The following INTS11 variants were observed in gnomAD, a reference collection of about 807,000 sequenced individuals.
INTS11 encodes integrator complex subunit 11.
INTS11 carries 77 observed loss-of-function variants against 78.6 expected under a neutral mutation model. That is an observed-to-expected ratio of 0.98 (90% CI 0.81 to 1.18). The LOEUF (loss-of-function observed/expected upper bound fraction) is 1.18. Ranked by LOEUF, INTS11 falls within the 50% of genes most tolerant of loss-of-function variation. The pLI is 0.00. For missense variants in INTS11, 875 were observed against 825.9 expected, an observed-to-expected ratio of 1.06 and a Z score of -0.73; for synonymous variants, 441 against 326.9, an observed-to-expected ratio of 1.35 and a Z score of -3.77.
At chr1:1,319,604 C>G (rs1430283302) in intron 3 of INTS11, 80 bp from the exon 4 acceptor site, 2 of 989,582 alleles carry the variant, frequency 2.0e-6, no homozygotes, top group Non-Finnish European at 2.9e-6. Flanking sequence ...GGGTCACTGG[C>G]CCCTTCATTC....
chr1:1,314,730 T>G lies in INTS11; in HGVS notation c.702+94A>C. The G allele has an allele frequency of 2.8e-6, 4 of 1,436,418 alleles. No individual in the cohort carries two copies. The highest frequency in any genetic ancestry group is 3.8e-6 in the Non-Finnish European group (4 of 1,047,096). 89.0% of individuals were successfully genotyped at this position (1,436,418 alleles called of 1,614,324 possible). On this transcript the variant is annotated intron_variant, in intron 7 of 16. Transcript: ENST00000435064. The surrounding 1 kb of genome is among the most constrained non-coding windows in gnomAD (Gnocchi z 4.2). ...CCTGAAAATGCAGTACCCCCCACCC[T>G]GAGACCCTGACCCATGCCAAGGGCA...
At chr1:1,322,918 A>G (rs2100643764) in intron 1 of INTS11, 3 of 1,315,610 alleles carry the variant, frequency 2.3e-6, no homozygotes, top group Non-Finnish European at 2.9e-6. Context: ...TTGAGAATAT[A>G]CCCAGGTACA....
In INTS11 at chr1:1,312,441, C is replaced by A; in HGVS notation, c.1463G>T (p.Ser488Ile). ...TCCAGAGACCGTCCTGGCACTCACG[C>A]TGTCCTTCATGATCAGGGTGCCGTG... ...LLHGTLIMKDSNFRLVSSEQA... is the reference protein window; with the variant it reads ...LLHGTLIMKDINFRLVSSEQA... The change falls in exon 14 of 17, where the codon AGC (serine) becomes ATC (isoleucine). Residue 488 changes from serine to isoleucine, a missense_variant and splice_region_variant. Transcript: ENST00000435064. 1 of 1,568,714 alleles carries A rather than the reference C, an allele frequency of 6.4e-7. No individual in the cohort carries two copies. Among genetic ancestry groups the A allele is most frequent in the East Asian group, 2.4e-5 (1 of 42,240 alleles).
At chr1:1,317,531 G>A (rs991812464) in intron 4 of INTS11, 1 of 808,022 alleles carries the variant, frequency 1.2e-6, no homozygotes, top group Non-Finnish European at 1.5e-6. Flanking sequence ...ACAGATGACG[G>A]AGTTTCAAGA....
Position 1,312,511 on chromosome 1 carries a change from A to T in INTS11, c.1403-10T>A, listed in dbSNP as rs376600037. On this transcript the variant is annotated splice_polypyrimidine_tract_variant and intron_variant, in intron 13 of 16. Transcript: ENST00000435064. ...GCCTCAGGGAGCAGCCCTGCGGAGGAGGTGGCAGGAGCCATCAATGTGAGG... is the reference window on the plus strand; with the variant it reads ...GCCTCAGGGAGCAGCCCTGCGGAGGTGGTGGCAGGAGCCATCAATGTGAGG... 30 of 1,582,454 alleles carry T rather than the reference A, an allele frequency of 1.9e-5. No individual in the cohort carries two copies. The highest frequency in any genetic ancestry group is 6.8e-5 in the South Asian group (6 of 88,052).
intron 1 of INTS11, among the ~76,000 whole-genome samples, chr1:1,321,470 AC>A: frequency 6.6e-6 from 1 of 152,180 alleles, no homozygotes; most frequent in East Asian, 1.9e-4. Context: ...CTGTGGCTGG[AC>A]CCCCAGCAGA....
At chr1:1,318,112 C>T (rs1328481814) in intron 4 of INTS11, among the ~76,000 whole-genome samples, 1 of 152,198 alleles carries the variant, frequency 6.6e-6, no homozygotes, top group Admixed American at 6.5e-5. Context: ...CCTCGTGATC[C>T]GCCTGTCTCG....
chr1:1,320,926 C>G, intron 2 of INTS11, 70 bp downstream of exon 2: 5 of 1,375,572 alleles, frequency 3.6e-6, no homozygotes, highest in Non-Finnish European at 5.2e-6. Flanking sequence ...TGTCCCGGCT[C>G]TGAGGCCCAG....
chr1:1,313,375 C>A, intron 10 of INTS11, 134 bp downstream of exon 10: 1 of 1,060,194 alleles, frequency 9.4e-7, no homozygotes, highest in Non-Finnish European at 1.4e-6. Flanking sequence ...ACATCGCCCC[C>A]GTTCCCCAGC....
chr1:1,320,386 G>T, intron 3 of INTS11, 70 bp downstream of exon 3: 1 of 1,483,938 alleles, frequency 6.7e-7, no homozygotes. Context: ...ACGCTGCCGA[G>T]ACCAAGCAAG....
Position 1,322,045 on chromosome 1 carries a change from G to T in INTS11, c.29-952C>A, listed in dbSNP as rs1397496816. 5 of 1,118,854 alleles carry T rather than the reference G, an allele frequency of 4.5e-6. No individual in the cohort carries two copies. The African/African-American group carries it at 4.9e-5, about 11-fold the overall frequency. The allele number at this position is 1,118,854 out of a possible 1,614,324, so 69.3% of individuals were successfully genotyped here. ...GCCTGTTCCTGCCCCCGCTGGGTGT[G>T]AGCTCTCTGAGAGCAGGGTCTCAGC... is the stretch of plus-strand genomic sequence containing the variant. On this transcript the variant is annotated intron_variant, in intron 1 of 16. Transcript: ENST00000435064.
At chr1:1,319,063 G>A (rs1886772) in intron 4 of INTS11, 614,303 of 716,682 alleles carry the variant, frequency 0.86, 271,359 homozygotes, top group Non-Finnish European at 0.93. Context: ...TTCATAAGCC[G>A]GTGCATACCC....
rs1385982691 is a variant in INTS11, at chr1:1,320,542, T to C, written c.127-13A>G. The C allele has an allele frequency of 6.2e-7, 1 of 1,613,514 alleles. No homozygotes were observed. Among genetic ancestry groups the C allele is most frequent in the Non-Finnish European group, 8.5e-7 (1 of 1,179,748 alleles). ...CAGGGAAGCGTCGCTAGGAAGGATG[T>C]GGGGGTTTCAGGTTGCACAGTGGTC... On this transcript the variant is annotated splice_polypyrimidine_tract_variant and intron_variant, in intron 2 of 16. Coordinates refer to ENST00000435064, the MANE Select transcript of INTS11 (RefSeq NM_017871.6).
chr1:1,322,222 G>A (rs980578348), intron 1 of INTS11, among the ~76,000 whole-genome samples: 2 of 151,754 alleles, frequency 1.3e-5, no homozygotes, highest in Non-Finnish European at 2.9e-5. Context: ...CATGGGGCCC[G>A]GGCTGGTTTT....
In INTS11 at chr1:1,311,620, G is replaced by A. The variant is rs554539884; in HGVS notation, c.*239C>T. On this transcript the variant is annotated 3_prime_UTR_variant, in exon 17 of 17. Transcript: ENST00000435064. ...AGTAGTCTTTTGTTCAGCTTTTACT[G>A]GAAACTGCTGTCTAGGACCACCTGC... The A allele has an allele frequency of 3.8e-4, 270 of 713,704 alleles. 4 individuals carry two copies. In the South Asian group the frequency reaches 3.9e-3, roughly 10 times the overall value. 44.2% of individuals were successfully genotyped at this position (713,704 alleles called of 1,614,324 possible). A position where few individuals can be genotyped will look rare whatever the true frequency, so the allele number is the denominator to read the frequency against.
intron 4 of INTS11, 198 bp from the exon 5 acceptor site, chr1:1,315,816 G>C (rs1173245001): frequency 1.2e-5 from 2 of 169,094 alleles, no homozygotes; most frequent in African/African-American, 4.1e-5. Flanking sequence ...CAGGGGCAGG[G>C]AGTGAGGGGG....
rs1213369180 is a variant in INTS11, at chr1:1,314,535, TATGAGAGACAGGAGGGAGCCGC to T, written c.703-192_703-171del. 1.7e-5 allele frequency: 11 copies of T among 657,500 alleles called. No individual in the cohort carries two copies. The highest frequency in any genetic ancestry group is 9.2e-5 in the African/African-American group (5 of 54,238). The allele number at this position is 657,500 out of a possible 1,614,324, so 40.7% of individuals were successfully genotyped here. On this transcript the variant is annotated intron_variant, in intron 7 of 16. Transcript: ENST00000435064. The surrounding 1 kb of genome is among the most constrained non-coding windows in gnomAD (Gnocchi z 4.2). ...GCTCTCCAGAGACAGAAGGGAGCCG[TATGAGAGACAGGAGGGAGCCGC>T]ATGAGAGACAGAAGGGAGCTGCATG...
intron 11 of INTS11, 21 bp from the exon 12 acceptor site, chr1:1,312,970 G>A (rs1642325043): frequency 6.2e-7 from 1 of 1,612,096 alleles, no homozygotes; most frequent in Middle Eastern, 1.7e-4. Flanking sequence ...CACGGGGCGT[G>A]GACAGTGGTT....
At position 1,324,598 on chromosome 1, in the gene INTS11, A is replaced by T; in HGVS notation, c.11T>A (p.Ile4Asn). Residue 4 changes from isoleucine to asparagine, a missense_variant, in exon 1 of 17, where the codon ATC becomes AAC. Physicochemically the swap from Ile to Asn is moderately radical, Grantham distance 149 (BLOSUM62 -3). Transcript: ENST00000435064. MPE[I>N]RVTPLGAGQD... ...CCACTCACCCAAGGGCGTGACTCTG[A>T]TCTCAGGCATCGTCTCCGCCGCGCT... 6.3e-7 allele frequency: 1 copy of T among 1,597,490 alleles called. No homozygotes were observed. The highest frequency in any genetic ancestry group is 8.5e-7 in the Non-Finnish European group (1 of 1,173,926).
Sources: allele counts gnomAD v4.1 joint callset (sites outside exome capture counted in the v4.1 genomes callset), GRCh38; gene constraint gnomAD v4.1.1; non-coding constraint Gnocchi (gnomAD v3.1); transcripts MANE v1.5; gene names NCBI Gene and HGNC (gene_info 2026-07-23, HGNC 2026-07-21).